RORA: variants seen among roughly 807,000 people sequenced by gnomAD.
RORA encodes RAR related orphan receptor A, also known as nuclear receptor ROR-alpha.
A neutral mutation model predicts 69.5 loss-of-function variants in RORA; 7 were observed. The ratio of observed to expected loss-of-function variants is 0.10; its 90% CI spans 0.06 to 0.19. The LOEUF is 0.19. RORA is among the 10% of genes least tolerant of loss of function. RORA has a pLI of 1.00. For missense variants in RORA, 457 were observed against 663.0 expected, an observed-to-expected ratio of 0.69 and a Z score of 3.41; for synonymous variants, 261 against 240.8, an observed-to-expected ratio of 1.08 and a Z score of -0.78.
chr15:60,635,974 T>C (rs1221179465), intron 2 of RORA, among the ~76,000 whole-genome samples: 1 of 152,196 alleles, frequency 6.6e-6, no homozygotes, highest in African/African-American at 2.4e-5. Flanking sequence ...TCTCTGTGGT[T>C]GTGGTGGTAG....
chr15:60,572,060 T>C (rs2067898280), intron 2 of RORA, among the ~76,000 whole-genome samples: 1 of 152,180 alleles, frequency 6.6e-6, no homozygotes, highest in Non-Finnish European at 1.5e-5. Context: ...ATATCTAAAT[T>C]CCATGCATGA....
At chr15:60,972,476 A>C (rs535580145) in intron 1 of RORA, among the ~76,000 whole-genome samples, 33 of 152,184 alleles carry the variant, frequency 2.2e-4, no homozygotes, top group African/African-American at 7.9e-4. Flanking sequence ...GAAGCTTGGA[A>C]CTCACTGGTA....
intron 1 of RORA, among the ~76,000 whole-genome samples, chr15:60,981,916 A>G (rs551583131): frequency 1.3e-5 from 2 of 151,978 alleles, no homozygotes; most frequent in Non-Finnish European, 2.9e-5. Context: ...AAGATTTTGA[A>G]TATCATAACC....
intron 1 of RORA, among the ~76,000 whole-genome samples, chr15:61,029,123 G>C (rs1011629078): frequency 1.3e-4 from 20 of 152,004 alleles, no homozygotes; most frequent in African/African-American, 4.6e-4. Flanking sequence ...ACTCTAGATG[G>C]GTGAATTGTG....
At chr15:60,745,546 C>T (rs527760439) in intron 1 of RORA, among the ~76,000 whole-genome samples, 81 of 152,328 alleles carry the variant, frequency 5.3e-4, no homozygotes, top group African/African-American at 1.9e-3. Context: ...GCCTGCTTTC[C>T]TTGGCCTCGG....
At chr15:60,648,775 T>A (rs2070096076) in intron 2 of RORA, among the ~76,000 whole-genome samples, 1 of 152,144 alleles carries the variant, frequency 6.6e-6, no homozygotes, top group South Asian at 2.1e-4. Context: ...CCTGGAAACA[T>A]CCTCTTAATT....
chr15:60,808,342 C>A (rs1220481569), intron 1 of RORA, among the ~76,000 whole-genome samples: 2 of 152,066 alleles, frequency 1.3e-5, no homozygotes, highest in Non-Finnish European at 2.9e-5. Context: ...CAGGAAAATG[C>A]AAATCAAAAC....
At chr15:60,675,113 C>T (rs1405235821) in intron 2 of RORA, among the ~76,000 whole-genome samples, 2 of 152,188 alleles carry the variant, frequency 1.3e-5, no homozygotes, top group African/African-American at 4.8e-5. Flanking sequence ...CCATATTTAT[C>T]CTCTTGTAAC....
intron 1 of RORA, among the ~76,000 whole-genome samples, chr15:60,729,767 C>A (rs2071406293): frequency 6.6e-6 from 1 of 152,164 alleles, no homozygotes; most frequent in African/African-American, 2.4e-5. Context: ...TAGTTGATTT[C>A]TTCTTCTGTG....
intron 1 of RORA, among the ~76,000 whole-genome samples, chr15:61,118,711 TCTC>T (rs891512507): frequency 6.6e-6 from 1 of 151,684 alleles, no homozygotes; most frequent in Non-Finnish European, 1.5e-5. Context: ...TCTGTGACAC[TCTC>T]CTCAAGGGTG....
At position 60,491,433 on chromosome 15, in the gene RORA, A is replaced by G. The variant is rs1283767796; in HGVS notation, c.*6022T>C. On this transcript the variant is annotated 3_prime_UTR_variant, in exon 11 of 11. Coordinates refer to ENST00000335670, the MANE Select transcript of RORA (RefSeq NM_134261.3). Reference sequence around the variant, plus strand: ...CATTAAATGTAAACAGCAAACACAGATTTCCTAGGCATCTATTTAAAATAT... The same window carrying G: ...CATTAAATGTAAACAGCAAACACAGGTTTCCTAGGCATCTATTTAAAATAT... The G allele has an allele frequency of 2.0e-5, 3 of 152,128 alleles. No individual in the cohort carries two copies. The highest frequency in any genetic ancestry group is 7.2e-5 in the African/African-American group (3 of 41,438). 9.4% of individuals were successfully genotyped at this position (152,128 alleles called of 1,614,324 possible). A position where few individuals can be genotyped will look rare whatever the true frequency, so the allele number is the denominator to read the frequency against.
At chr15:60,778,299 GA>G (rs2072203856) in intron 1 of RORA, among the ~76,000 whole-genome samples, 1 of 137,254 alleles carries the variant, frequency 7.3e-6, no homozygotes, top group Non-Finnish European at 1.5e-5. Flanking sequence ...AGGTTATTGT[GA>G]TTTTTTTTTT....
intron 1 of RORA, among the ~76,000 whole-genome samples, chr15:60,996,385 T>C (rs1311318133): frequency 2.0e-5 from 3 of 152,344 alleles, no homozygotes; most frequent in Non-Finnish European, 4.4e-5. Context: ...CATCTTGTTT[T>C]AATTGGTGGT....
Position 60,568,040 on chromosome 15 carries a change from C to T in RORA, c.197-36189G>A, listed in dbSNP as rs143683604. On this transcript the variant is annotated intron_variant, in intron 2 of 10. Transcript: ENST00000335670. The stretch of plus-strand genomic sequence containing the variant: ...TTGTTGTGGCTAGATGCTAATAGCA[C>T]TCTCGAATTGTATTAATCAAAAAAT... Among the ~76,000 whole-genome samples the T allele has an allele frequency of 1.2e-4, 19 of 152,212 alleles. No homozygotes were observed. The East Asian group carries it at 3.5e-3, about 28-fold the overall frequency.
At chr15:61,050,382 T>G (rs534078329) in intron 1 of RORA, among the ~76,000 whole-genome samples, 2 of 152,220 alleles carry the variant, frequency 1.3e-5, no homozygotes, top group Non-Finnish European at 2.9e-5. Context: ...TTCTAAAAAA[T>G]TTCAAACAAT....
chr15:60,844,219 A>G (rs897083291), intron 1 of RORA, among the ~76,000 whole-genome samples: 6 of 152,000 alleles, frequency 3.9e-5, no homozygotes, highest in African/African-American at 1.5e-4. Context: ...GTTTTCTCCT[A>G]TGGCTGTCCT....
intron 1 of RORA, among the ~76,000 whole-genome samples, chr15:60,721,585 G>A (rs1388617177): frequency 1.3e-5 from 2 of 152,234 alleles, no homozygotes; most frequent in Non-Finnish European, 2.9e-5. Context: ...TACCCTCAAA[G>A]AACTTGGTAA....
At chr15:60,761,025 C>A (rs961335402) in intron 1 of RORA, among the ~76,000 whole-genome samples, 1 of 152,068 alleles carries the variant, frequency 6.6e-6, no homozygotes, top group African/African-American at 2.4e-5. Context: ...TCCTTTTGGG[C>A]ACAGGGAGGG....
rs903864815 is a variant in RORA at position 61,224,508 on chromosome 15, A to G, written c.166+4545T>C. Among the ~76,000 whole-genome samples the G allele has an allele frequency of 2.0e-5, 3 of 152,188 alleles. No homozygotes were observed. The East Asian group carries it at 5.8e-4, about 29-fold the overall frequency. On this transcript the variant is annotated intron_variant, in intron 1 of 10. Coordinates refer to ENST00000335670, the MANE Select transcript of RORA (RefSeq NM_134261.3). The stretch of plus-strand genomic sequence containing the variant: ...AGAGTAAACTCAGAACACATGGCAC[A>G]TGCTTAAGATACCATACCATATGAA...
Sources: allele counts gnomAD v4.1 joint callset (sites outside exome capture counted in the v4.1 genomes callset), GRCh38; gene constraint gnomAD v4.1.1; transcripts MANE v1.5; gene names NCBI Gene and HGNC (gene_info 2026-07-23, HGNC 2026-07-21).